MACROD2: variants seen among roughly 807,000 people sequenced by gnomAD.
MACROD2 encodes the protein mono-ADP ribosylhydrolase 2.
A neutral mutation model predicts 70.4 loss-of-function variants in MACROD2; 36 were observed. The ratio of observed to expected loss-of-function variants is 0.51; its 90% CI spans 0.39 to 0.68. MACROD2 has a LOEUF of 0.68. Ranked by LOEUF, MACROD2 falls within the 30% of genes least tolerant of loss-of-function variation. The pLI is 0.00. For missense variants in MACROD2, 496 were observed against 538.4 expected (o/e 0.92, Z 0.78); for synonymous variants, 172 against 178.8 (o/e 0.96, Z 0.30).
At chr20:14,259,318 A>T (rs1377631841) in intron 3 of MACROD2, among the ~76,000 whole-genome samples, 1 of 152,236 alleles carries the variant, frequency 6.6e-6, no homozygotes. Flanking sequence ...ACAAATTCAT[A>T]TATAAACTTA....
chr20:15,891,828 G>A (rs1601069480), intron 10 of MACROD2, among the ~76,000 whole-genome samples: 1 of 152,078 alleles, frequency 6.6e-6, no homozygotes, highest in East Asian at 1.9e-4. Flanking sequence ...GCCTGATGAG[G>A]TCCTTTACAA....
chr20:14,236,234 C>T (rs1301680606), intron 3 of MACROD2, among the ~76,000 whole-genome samples: 1 of 151,868 alleles, frequency 6.6e-6, no homozygotes, highest in African/African-American at 2.4e-5. Flanking sequence ...CTAGTCATTC[C>T]TTGGAGTGGT....
intron 5 of MACROD2, among the ~76,000 whole-genome samples, chr20:15,109,369 G>A (rs1215676710): frequency 2.0e-5 from 3 of 152,118 alleles, no homozygotes; most frequent in African/African-American, 4.8e-5. Flanking sequence ...TATACTAAGA[G>A]ATTTTAATTA....
intron 4 of MACROD2, among the ~76,000 whole-genome samples, chr20:14,584,085 A>G (rs1430806883): frequency 1.3e-5 from 2 of 152,104 alleles, no homozygotes; most frequent in African/African-American, 4.8e-5. Context: ...GCCCATTACT[A>G]TTCCATTTTA....
intron 5 of MACROD2, among the ~76,000 whole-genome samples, chr20:14,911,305 A>G (rs1458333451): frequency 6.6e-6 from 1 of 152,208 alleles, no homozygotes; most frequent in African/African-American, 2.4e-5. Context: ...ACTCACAAAA[A>G]GCTATCTCCT....
intron 6 of MACROD2, among the ~76,000 whole-genome samples, chr20:15,399,853 GAGAAAAA>G (rs1324712218): frequency 6.6e-6 from 1 of 152,072 alleles, no homozygotes; most frequent in Admixed American, 6.5e-5. Context: ...CTCTTCCCAG[GAGAAAAA>G]AGAAAATCTG....
rs189609887 is a variant in MACROD2, at chr20:14,348,806, G to A, written c.272-144673G>A. Among the ~76,000 whole-genome samples the A allele has an allele frequency of 2.4e-3, 365 of 152,218 alleles. 1 individual carries two copies. Among genetic ancestry groups the A allele is most frequent in the Middle Eastern group, 0.017 (5 of 294 alleles). On this transcript the variant is annotated intron_variant, in intron 3 of 17. Transcript: ENST00000684519. Reference sequence around the variant, plus strand: ...ACTACTGTCTATTTCCATCAGACTTGTTTCAATTAACAGCACTTTGGGAGG... The same window carrying A: ...ACTACTGTCTATTTCCATCAGACTTATTTCAATTAACAGCACTTTGGGAGG...
In MACROD2 at chr20:15,321,851, T is replaced by C. The variant is rs769380327; in HGVS notation, c.540+91790T>C. ...TCTGTTGCCCAGGCTGGAGTGCAGTTGCATGATCTCGACTCACTGCAACCT... is the reference window on the plus strand; with the variant it reads ...TCTGTTGCCCAGGCTGGAGTGCAGTCGCATGATCTCGACTCACTGCAACCT... On this transcript the variant is annotated intron_variant, in intron 6 of 17. Transcript: ENST00000684519. Among the ~76,000 whole-genome samples, 3 of 143,828 alleles carry C rather than the reference T, an allele frequency of 2.1e-5. 1 individual carries two copies. Among genetic ancestry groups the C allele is most frequent in the Non-Finnish European group, 4.7e-5 (3 of 63,532 alleles). 94.4% of individuals were successfully genotyped at this position (143,828 alleles called of 152,430 possible).
intron 5 of MACROD2, among the ~76,000 whole-genome samples, chr20:15,145,276 C>T (rs913222009): frequency 6.6e-6 from 1 of 152,050 alleles, no homozygotes; most frequent in Admixed American, 6.6e-5. Flanking sequence ...AGATGTAAGT[C>T]TTTGGGATTT....
chr20:14,063,536 T>C (rs1215994323), intron 2 of MACROD2, among the ~76,000 whole-genome samples: 8 of 152,218 alleles, frequency 5.3e-5, no homozygotes, highest in African/African-American at 1.9e-4. Flanking sequence ...AGGGGTGATG[T>C]GACGCCACAA....
rs151315367 is a variant in MACROD2, at chr20:14,027,803, A to G, written c.163+25399A>G. Among the ~76,000 whole-genome samples, 13 of 152,208 alleles carry G rather than the reference A, an allele frequency of 8.5e-5. No homozygotes were observed. In the East Asian group the frequency reaches 2.5e-3, roughly 29 times the overall value. Reference sequence around the variant, plus strand: ...TCTGGAAGCTTTGTCCCAGAAGGGCACCTGCCAGATGCCAGCCGGAGCTCT... The same window carrying G: ...TCTGGAAGCTTTGTCCCAGAAGGGCGCCTGCCAGATGCCAGCCGGAGCTCT... On this transcript the variant is annotated intron_variant, in intron 2 of 17. Transcript: ENST00000684519.
chr20:14,774,185 G>T (rs1448443917), intron 5 of MACROD2, among the ~76,000 whole-genome samples: 1 of 152,054 alleles, frequency 6.6e-6, no homozygotes, highest in Non-Finnish European at 1.5e-5. Context: ...CAGCATTAAA[G>T]AGTGTCAGCT....
chr20:14,230,631 T>TTATATATATATATATATA (rs71190119), intron 3 of MACROD2, among the ~76,000 whole-genome samples: 9 of 94,254 alleles, frequency 9.5e-5, no homozygotes, highest in African/African-American at 5.0e-4. Context: ...TCATTCATGT[T>TTATATATATATATATATA]TATATATATA....
At chr20:15,076,753 C>A (rs1226903478) in intron 5 of MACROD2, among the ~76,000 whole-genome samples, 2 of 152,084 alleles carry the variant, frequency 1.3e-5, no homozygotes, top group Non-Finnish European at 2.9e-5. Flanking sequence ...ATTTCTAAAT[C>A]TATTTCTTGT....
chr20:15,716,587 C>T (rs1416841084), intron 8 of MACROD2, among the ~76,000 whole-genome samples: 1 of 152,138 alleles, frequency 6.6e-6, no homozygotes, highest in African/African-American at 2.4e-5. Flanking sequence ...ATACTTTACC[C>T]CCAATTCTAT....
intron 3 of MACROD2, among the ~76,000 whole-genome samples, chr20:14,167,551 T>C (rs966578414): frequency 6.6e-6 from 1 of 151,796 alleles, no homozygotes; most frequent in Non-Finnish European, 1.5e-5. Flanking sequence ...GCCCAGCTAA[T>C]TTTTGTGCTT....
At chr20:14,324,054 G>A (rs79295487) in intron 3 of MACROD2, 2,297 of 152,474 alleles carry the variant, frequency 0.015, 24 homozygotes, top group African/African-American at 0.027. Context: ...TACATGGGAC[G>A]TTTAGGACTA....
At chr20:14,667,627 G>T (rs2070749635) in intron 4 of MACROD2, among the ~76,000 whole-genome samples, 1 of 152,110 alleles carries the variant, frequency 6.6e-6, no homozygotes, top group Admixed American at 6.6e-5. Flanking sequence ...TCACACACAA[G>T]CATTTTAGAC....
chr20:14,064,952 A>G (rs1287390826), intron 2 of MACROD2, among the ~76,000 whole-genome samples: 1 of 152,258 alleles, frequency 6.6e-6, no homozygotes, highest in Non-Finnish European at 1.5e-5. Flanking sequence ...AAAGTACTAG[A>G]GCCAAAGAAA....
Sources: gnomAD v4.1 joint callset for allele counts (sites outside exome capture counted in the v4.1 genomes callset) on GRCh38, gnomAD v4.1.1 for gene constraint, MANE v1.5 for transcripts, NCBI Gene and HGNC (gene_info 2026-07-23, HGNC 2026-07-21) for gene names.